The following GART variants were observed in gnomAD, a reference collection of about 807,000 sequenced individuals.
The protein encoded by GART is phosphoribosylglycinamide formyltransferase, phosphoribosylglycinamide synthetase, phosphoribosylaminoimidazole synthetase, also known as trifunctional purine biosynthetic protein adenosine-3.
In GART, 43 loss-of-function variants were observed where a neutral mutation model predicts 107.2. That is an observed-to-expected ratio of 0.40 (90% CI 0.31 to 0.52). The LOEUF is 0.52. GART is among the 20% of genes least tolerant of loss of function. The pLI, the probability that GART is intolerant of heterozygous loss-of-function variation, is 0.52. For synonymous variants in GART, 434 were observed against 427.0 expected (o/e 1.02, Z -0.20); for missense variants, 1,107 against 1,206.5 (o/e 0.92, Z 1.22).
Position 33,520,551 on chromosome 21 carries a change from T to C in GART, c.1515A>G (p.Leu505=), listed in dbSNP as rs543241010. The change falls in exon 14 of 22, where the codon CTA becomes CTG. Residue 505 remains leucine (L), a synonymous_variant. Transcript: ENST00000381815. Reference sequence around the variant, plus strand: ...GACCAATGGTATCATGTTTATTGCATAGCTGGGCAATCTATGTAAGAACAA... The same window carrying C: ...GACCAATGGTATCATGTTTATTGCACAGCTGGGCAATCTATGTAAGAACAA... ...GVGTKLKIAQ[L]CNKHDTIGQD... The C allele has an allele frequency of 2.4e-5, 38 of 1,613,606 alleles. No homozygotes were observed. In the South Asian group the frequency reaches 4.1e-4, roughly 17 times the overall value.
At chr21:33,524,089 C>G (rs149303766) in intron 11 of GART, 7 of 982,884 alleles carry the variant, frequency 7.1e-6, no homozygotes, top group Non-Finnish European at 8.4e-6. Context: ...TCAAAAAATA[C>G]ATTTTAGTAA....
In GART at chr21:33,532,359, G is replaced by T. The variant is rs749281831; in HGVS notation, c.514C>A (p.Gln172Lys). The change falls in exon 5 of 22, where the codon CAA becomes AAA. Residue 172 changes from glutamine (Q) to lysine (K), a missense_variant. By Grantham distance (53) the Gln-to-Lys change is moderately conservative (BLOSUM62 1). Coordinates refer to ENST00000381815, the MANE Select transcript of GART (RefSeq NM_000819.5). ...ACCCAGCCTACCTGCATGATCTCTTGTACAGCTTTGCAGGCCTCTTCTTTG... is the reference window on the plus strand; with the variant it reads ...ACCCAGCCTACCTGCATGATCTCTTTTACAGCTTTGCAGGCCTCTTCTTTG... ...KSKEEACKAV[Q>K]EIMQEKAFGA... 16 of 1,613,390 alleles carry T rather than the reference G, an allele frequency of 9.9e-6. No individual in the cohort carries two copies. In the East Asian group the frequency reaches 1.3e-4, roughly 13 times the overall value.
At position 33,524,287 on chromosome 21, in the gene GART, T is replaced by C. The variant is rs568752440; in HGVS notation, c.1298+482A>G. ...GTATCAGGCCAAGTGCAGCGGCTCA[T>C]GCCTATAATCCCAGCATTTTGGGAG... On this transcript the variant is annotated intron_variant, in intron 11 of 21. Transcript: ENST00000381815. 4.1e-6 allele frequency: 4 copies of C among 985,670 alleles called. No individual in the cohort carries two copies. In the South Asian group the frequency reaches 1.4e-4, roughly 35 times the overall value. The allele number at this position is 985,670 out of a possible 1,614,324, so 61.1% of individuals were successfully genotyped here.
chr21:33,530,374 T>G (rs1019375341), intron 7 of GART, among the ~76,000 whole-genome samples: 1 of 152,194 alleles, frequency 6.6e-6, no homozygotes, highest in Non-Finnish European at 1.5e-5. Context: ...GAAATTCTGA[T>G]GTGACTTGGT....
At chr21:33,519,552 T>C (rs1263039344) in intron 14 of GART, among the ~76,000 whole-genome samples, 1 of 123,346 alleles carries the variant, frequency 8.1e-6, no homozygotes, top group Non-Finnish European at 1.7e-5. Context: ...AGACTCTGTT[T>C]AAAAAAAAAA....
chr21:33,514,488 G>C (rs572588376), intron 16 of GART, among the ~76,000 whole-genome samples: 1 of 152,074 alleles, frequency 6.6e-6, no homozygotes, highest in Non-Finnish European at 1.5e-5. Context: ...TTTAACTAGT[G>C]GTGTGCTAGA....
chr21:33,530,778 G>T lies in GART; in HGVS notation c.704C>A (p.Ala235Asp). 1 of 1,506,728 alleles carries T rather than the reference G, an allele frequency of 6.6e-7. No homozygotes were observed. Among genetic ancestry groups the T allele is most frequent in the South Asian group, 1.4e-5 (1 of 72,628 alleles). 93.3% of individuals were successfully genotyped at this position (1,506,728 alleles called of 1,614,324 possible). Reference protein sequence around the residue: ...DGGPNTGGMGAYCPAPQVSND... With the variant: ...DGGPNTGGMGDYCPAPQVSND... Reference sequence around the variant, plus strand: ...AAGTACCTGAGGGGCTGGACAATAGGCTCCCATTCCCCCTGTGTTAGGGCC... The same window carrying T: ...AAGTACCTGAGGGGCTGGACAATAGTCTCCCATTCCCCCTGTGTTAGGGCC... The change falls in exon 7 of 22, where the codon GCC (alanine) becomes GAC (aspartate). Residue 235 changes from alanine (A) to aspartate (D), a missense_variant. Physicochemically the swap from Ala to Asp is moderately radical, Grantham distance 126. Coordinates refer to ENST00000381815, the MANE Select transcript of GART (RefSeq NM_000819.5).
rs150144944 is a variant in GART, at chr21:33,504,295, C to T, written c.2862G>A (p.Gln954=). ...HFVAEDVDAG[Q]IILQEAVPVK... ...CGGGAACAGCTTCTTGCAAAATAAT[C>T]TGTCCAGCATCCACATCTTCCTGGA... The change falls in exon 22 of 22, where the codon CAG becomes CAA. Residue 954 remains glutamine, a synonymous_variant. Coordinates refer to ENST00000381815, the MANE Select transcript of GART (RefSeq NM_000819.5). 2 of 1,614,026 alleles carry T rather than the reference C, an allele frequency of 1.2e-6. No individual in the cohort carries two copies. The highest frequency in any genetic ancestry group is 2.7e-5 in the African/African-American group (2 of 74,926).
intron 5 of GART, chr21:33,531,854 C>T (rs560648610): frequency 2.3e-4 from 78 of 339,808 alleles, no homozygotes; most frequent in Middle Eastern, 1.8e-3. Flanking sequence ...TTCATTATCG[C>T]CACTTAATCC....
At chr21:33,531,977 A>G in intron 5 of GART, 1 of 250,668 alleles carries the variant, frequency 4.0e-6, no homozygotes, top group East Asian at 9.6e-5. Flanking sequence ...ATCGATCACG[A>G]AAGACAAGGC....
At chr21:33,536,227 T>G (rs1355781962) in intron 2 of GART, among the ~76,000 whole-genome samples, 26 of 152,178 alleles carry the variant, frequency 1.7e-4, no homozygotes, top group Admixed American at 1.7e-3. Flanking sequence ...GCAGAGCTGT[T>G]TAAGTTAAGA....
intron 6 of GART, 61 bp from the exon 7 acceptor site, chr21:33,530,945 A>T: frequency 6.9e-7 from 1 of 1,449,342 alleles, no homozygotes; most frequent in Non-Finnish European, 9.1e-7. Flanking sequence ...AAAAAAATTT[A>T]GTGAGGCAAA....
intron 5 of GART, chr21:33,532,114 A>G: frequency 2.1e-6 from 1 of 478,530 alleles, no homozygotes; most frequent in East Asian, 3.8e-5. Flanking sequence ...AGTGGCAGAC[A>G]ACAAAGGATG....
At position 33,506,178 on chromosome 21, in the gene GART, TG is replaced by T. The variant is rs377752888; in HGVS notation, c.2453-75del. On this transcript the variant is annotated intron_variant, in intron 18 of 21. Coordinates refer to ENST00000381815, the MANE Select transcript of GART (RefSeq NM_000819.5). Reference sequence around the variant, plus strand: ...TTTTTTTTGAGAGGGAGTCTCACTCTGTCGCCCAGGCTAGGAGTGCAGTGCC... The same window carrying T: ...TTTTTTTTGAGAGGGAGTCTCACTCTTCGCCCAGGCTAGGAGTGCAGTGCC... The T allele has an allele frequency of 7.3e-4, 1,117 of 1,523,786 alleles. 9 individuals are homozygous for T. In the African/African-American group the frequency reaches 0.014, roughly 19 times the overall value. The allele number at this position is 1,523,786 out of a possible 1,614,324, so 94.4% of individuals were successfully genotyped here. A position where few individuals can be genotyped will look rare whatever the true frequency, so the allele number is the denominator to read the frequency against.
At chr21:33,519,552 T>TTA (rs1382680201) in intron 14 of GART, among the ~76,000 whole-genome samples, 22 of 123,344 alleles carry the variant, frequency 1.8e-4, no homozygotes, top group Middle Eastern at 4.0e-3. Context: ...AGACTCTGTT[T>TTA]AAAAAAAAAA....
intron 4 of GART, among the ~76,000 whole-genome samples, chr21:33,533,716 G>A (rs1333617075): frequency 6.6e-6 from 1 of 152,058 alleles, no homozygotes; most frequent in African/African-American, 2.4e-5. Context: ...ACCGGCCTGG[G>A]AAACATGGTA....
intron 2 of GART, among the ~76,000 whole-genome samples, chr21:33,536,029 T>A (rs892933521): frequency 6.7e-6 from 1 of 150,156 alleles, no homozygotes; most frequent in Non-Finnish European, 1.5e-5. Context: ...CGAAACTCTG[T>A]CTCAAAAAAA....
At chr21:33,521,175 A>G (rs2084966911) in intron 12 of GART, among the ~76,000 whole-genome samples, 160 bp from the exon 13 acceptor site, 1 of 152,216 alleles carries the variant, frequency 6.6e-6, no homozygotes, top group South Asian at 2.1e-4. Flanking sequence ...GAGATGACAT[A>G]ATCAAATCAA....
chr21:33,530,802 C>T lies in GART; in HGVS notation c.680G>A (p.Gly227Asp), dbSNP rs1390456108. Residue 227 changes from glycine (G) to aspartate (D), a missense_variant, in exon 7 of 22, where the codon GGC becomes GAC. Coordinates refer to ENST00000381815, the MANE Select transcript of GART (RefSeq NM_000819.5). ...GGCTCCCATTCCCCCTGTGTTAGGG[C>T]CACCATCTCCCTCCAGTAATCGCTT... ...DHKRLLEGDG[G>D]PNTGGMGAYC... 3.3e-6 allele frequency: 5 copies of T among 1,531,298 alleles called. No individual in the cohort carries two copies. The African/African-American group carries it at 5.8e-5, about 18-fold the overall frequency. The allele number at this position is 1,531,298 out of a possible 1,614,324, so 94.9% of individuals were successfully genotyped here. A position where few individuals can be genotyped will look rare whatever the true frequency, so the allele number is the denominator to read the frequency against.
Sources: gnomAD v4.1 joint callset for allele counts (sites outside exome capture counted in the v4.1 genomes callset) on GRCh38, gnomAD v4.1.1 for gene constraint, MANE v1.5 for transcripts, NCBI Gene and HGNC (gene_info 2026-07-23, HGNC 2026-07-21) for gene names.